Variants in DOCK3 observed in about 807,000 individuals in gnomAD.
DOCK3 encodes the protein dedicator of cytokinesis protein 3.
DOCK3 carries 60 observed loss-of-function variants against 265.6 expected under a neutral mutation model. The observed-to-expected ratio is 0.23, with a 90% CI of 0.18 to 0.28. The LOEUF is 0.28. DOCK3 is among the 10% of genes least tolerant of loss of function. The probability of loss-of-function intolerance (pLI) is 1.00; values close to 1 mark genes in which losing one functional copy is unlikely to be tolerated. For missense variants in DOCK3, 1,981 were observed against 2,594.3 expected (o/e 0.76, Z 5.14); for synonymous variants, 881 against 938.0 (o/e 0.94, Z 1.11).
At chr3:50,909,858 T>A (rs963865282) in intron 4 of DOCK3, among the ~76,000 whole-genome samples, 1 of 151,996 alleles carries the variant, frequency 6.6e-6, no homozygotes, top group Non-Finnish European at 1.5e-5. Context: ...GGTAACTCAA[T>A]CAGTTGTAGG....
intron 12 of DOCK3, among the ~76,000 whole-genome samples, chr3:51,208,306 A>G (rs1347939896): frequency 6.6e-6 from 1 of 152,212 alleles, no homozygotes; most frequent in Non-Finnish European, 1.5e-5. Context: ...TAGTATCAAC[A>G]TTGCTTTTAG....
In DOCK3 at chr3:51,236,281, T is replaced by C. The variant is rs534502933; in HGVS notation, c.1918-64T>C. ...TTTTATTGGAAGTTAAATTCATTGATTTATGGAAGTTTGTGCGTGTAAGGT... is the reference window on the plus strand; with the variant it reads ...TTTTATTGGAAGTTAAATTCATTGACTTATGGAAGTTTGTGCGTGTAAGGT... On this transcript the variant is annotated intron_variant, in intron 19 of 52. Transcript: ENST00000266037. 5 of 1,212,024 alleles carry C rather than the reference T, an allele frequency of 4.1e-6. No homozygotes were observed. In the African/African-American group the frequency reaches 7.5e-5, roughly 18 times the overall value. The allele number at this position is 1,212,024 out of a possible 1,614,324, so 75.1% of individuals were successfully genotyped here. A position where few individuals can be genotyped will look rare whatever the true frequency, so the allele number is the denominator to read the frequency against.
At position 51,356,943 on chromosome 3, in the gene DOCK3, G is replaced by A. The variant is rs2086406590; in HGVS notation, c.4504-19G>A. On this transcript the variant is annotated intron_variant, in intron 43 of 52. Coordinates refer to ENST00000266037, the MANE Select transcript of DOCK3 (RefSeq NM_004947.5). ...TTATCATCATTTCTGGGATGACTCT[G>A]TGTGCTGTGTGCCCCTAGGTGGAGG... 6.2e-7 allele frequency: 1 copy of A among 1,601,786 alleles called. No individual in the cohort carries two copies.
chr3:51,257,366 A>C (rs2079605148), intron 22 of DOCK3, among the ~76,000 whole-genome samples: 1 of 152,208 alleles, frequency 6.6e-6, no homozygotes, highest in Non-Finnish European at 1.5e-5. Context: ...TTCTTCCTTA[A>C]TACTTTTGAT....
chr3:51,044,368 A>G (rs2080669841), intron 5 of DOCK3, among the ~76,000 whole-genome samples: 1 of 152,060 alleles, frequency 6.6e-6, no homozygotes, highest in African/African-American at 2.4e-5. Context: ...TTATAAGTGG[A>G]AGCTAAATGA....
At chr3:51,096,305 C>T (rs2082854964) in intron 9 of DOCK3, among the ~76,000 whole-genome samples, 1 of 152,088 alleles carries the variant, frequency 6.6e-6, no homozygotes, top group Admixed American at 6.6e-5. Context: ...TCACATAGTC[C>T]CATATTTCTT....
At chr3:51,084,292 C>A (rs964380228) in intron 7 of DOCK3, among the ~76,000 whole-genome samples, 1 of 151,988 alleles carries the variant, frequency 6.6e-6, no homozygotes, top group Non-Finnish European at 1.5e-5. Context: ...TATATATAAT[C>A]AAACTATTAA....
At chr3:51,308,919 G>A (rs2082878469) in intron 27 of DOCK3, among the ~76,000 whole-genome samples, 1 of 151,754 alleles carries the variant, frequency 6.6e-6, no homozygotes, top group South Asian at 2.1e-4. Flanking sequence ...GGGCGGCCGG[G>A]CAGAGACGCT....
At chr3:50,900,640 G>A in intron 4 of DOCK3, 2 of 441,612 alleles carry the variant, frequency 4.5e-6, no homozygotes, top group Non-Finnish European at 9.0e-6. Flanking sequence ...TGATGTTGGT[G>A]ACCTTCAGAT....
At chr3:51,314,399 C>T (rs1293255363) in intron 31 of DOCK3, among the ~76,000 whole-genome samples, 3 of 152,128 alleles carry the variant, frequency 2.0e-5, no homozygotes, top group African/African-American at 7.2e-5. Context: ...CTAAGCCAGC[C>T]TTTTAGGGTA....
chr3:51,012,543 G>A (rs967827138), intron 5 of DOCK3, among the ~76,000 whole-genome samples: 1 of 152,188 alleles, frequency 6.6e-6, no homozygotes, highest in African/African-American at 2.4e-5. Context: ...GGTGCCGTGT[G>A]TCACAGCTTC....
At chr3:51,379,464 C>G (rs1054024047) in intron 51 of DOCK3, 1 of 985,362 alleles carries the variant, frequency 1.0e-6, no homozygotes, top group Non-Finnish European at 1.2e-6. Context: ...CCAGCAGCCC[C>G]CAGCAGCTGG....
Position 50,850,558 on chromosome 3 carries a change from A to T in DOCK3, c.162+8843A>T, listed in dbSNP as rs540152245. Among the ~76,000 whole-genome samples, 28 of 152,120 alleles carry T rather than the reference A, an allele frequency of 1.8e-4. No individual in the cohort carries two copies. In the South Asian group the frequency reaches 5.6e-3, roughly 30 times the overall value. ...TCTTTGATGGTGTCACTATATGTGT[A>T]TTTTTCATGGTGCCAGAATTCTTGC... On this transcript the variant is annotated intron_variant, in intron 3 of 52. Coordinates refer to ENST00000266037, the MANE Select transcript of DOCK3 (RefSeq NM_004947.5).
intron 5 of DOCK3, among the ~76,000 whole-genome samples, chr3:51,047,657 T>C (rs1310667441): frequency 6.6e-6 from 1 of 151,870 alleles, no homozygotes; most frequent in Non-Finnish European, 1.5e-5. Context: ...AATGGATAAA[T>C]TACTAGAAAT....
intron 12 of DOCK3, among the ~76,000 whole-genome samples, chr3:51,205,215 A>T (rs1263598389): frequency 6.6e-6 from 1 of 152,036 alleles, no homozygotes; most frequent in Non-Finnish European, 1.5e-5. Flanking sequence ...AAGAAAAAGA[A>T]GGTCCACATC....
chr3:51,150,903 T>G (rs2085553699), intron 10 of DOCK3, among the ~76,000 whole-genome samples: 1 of 152,220 alleles, frequency 6.6e-6, no homozygotes, highest in Non-Finnish European at 1.5e-5. Context: ...GTTAGCCTTC[T>G]GTCTCGTTGA....
chr3:51,277,612 C>A lies in DOCK3; in HGVS notation c.2681C>A (p.Ala894Glu). The A allele has an allele frequency of 6.5e-7, 1 of 1,543,922 alleles. No homozygotes were observed. Residue 894 changes from alanine to glutamate, a missense_variant, in exon 26 of 53, where the codon GCA becomes GAA. Physicochemically the swap from Ala to Glu is moderately radical, Grantham distance 107. Transcript: ENST00000266037. ...CTCTCTTGCTGCTCGCTCCAGGAGG[C>A]AGATGTCATGGAGGAAGTAGAGATG... ...FSIVKTSSLE[A>E]DVMEEVEMMV...
chr3:50,700,916 G>A (rs537819053), intron 1 of DOCK3, among the ~76,000 whole-genome samples: 16 of 152,246 alleles, frequency 1.1e-4, no homozygotes, highest in African/African-American at 3.6e-4. Flanking sequence ...TACCAACTGT[G>A]TATAAGAGTT....
chr3:51,019,677 C>T (rs1006320779), intron 5 of DOCK3, among the ~76,000 whole-genome samples: 3 of 151,074 alleles, frequency 2.0e-5, no homozygotes, highest in Non-Finnish European at 4.4e-5. Flanking sequence ...CCCCACCATG[C>T]ATCCATATGT....
Sources: allele counts gnomAD v4.1 joint callset (sites outside exome capture counted in the v4.1 genomes callset), GRCh38; gene constraint gnomAD v4.1.1; transcripts MANE v1.5; gene names NCBI Gene and HGNC (gene_info 2026-07-23, HGNC 2026-07-21).